The following BEGAIN variants were observed in gnomAD, a reference collection of about 807,000 sequenced individuals.
BEGAIN encodes the protein brain-enriched guanylate kinase-associated protein.
In BEGAIN, 19 loss-of-function variants were observed where a neutral mutation model predicts 35.8. That is an observed-to-expected ratio of 0.53 (90% CI 0.37 to 0.78). BEGAIN has a LOEUF of 0.78. Among genes scored for constraint, BEGAIN ranks in the 30% least tolerant of loss-of-function variants. The pLI is 0.00. For missense variants in BEGAIN, 795 were observed against 853.6 expected, an observed-to-expected ratio of 0.93 and a Z score of 0.85; for synonymous variants, 462 against 388.6, an observed-to-expected ratio of 1.19 and a Z score of -2.22.
chr14:100,546,374 C>CCCGGCCCTCGCCCCGG, intron 3 of BEGAIN, 127 bp downstream of exon 3: 1 of 55,686 alleles, frequency 1.8e-5, no homozygotes, highest in Non-Finnish European at 3.1e-5. Flanking sequence ...CCTCGCCCCG[C>CCCGGCCCTCGCCCCGG]CCCGGCCCTC....
rs9743676 is a variant in BEGAIN at position 100,569,391 on chromosome 14, G to A, written c.43-1452C>T. ...GCCGGGAAGACTTTGCCGCCGGCCA[G>A]CGCGACCCCCACACCGCTCTCTTCC... On this transcript the variant is annotated intron_variant, in intron 1 of 6. Transcript: ENST00000554140. 3.6e-3 allele frequency: 544 copies of A among 152,608 alleles called. 5 individuals are homozygous for A. The highest frequency in any genetic ancestry group is 8.8e-3 in the Admixed American group (135 of 15,318). 9.5% of individuals were successfully genotyped at this position (152,608 alleles called of 1,614,324 possible). A position where few individuals can be genotyped will look rare whatever the true frequency, so the allele number is the denominator to read the frequency against.
chr14:100,572,329 A>G (rs1201344363), intron 1 of BEGAIN, among the ~76,000 whole-genome samples: 1 of 152,130 alleles, frequency 6.6e-6, no homozygotes, highest in East Asian at 1.9e-4. Flanking sequence ...AATCCGGCTG[A>G]TTTCTGACAC....
chr14:100,586,319 C>T lies in BEGAIN; in HGVS notation c.42+930G>A, dbSNP rs1350983693. Among the ~76,000 whole-genome samples the T allele has an allele frequency of 3.3e-5, 5 of 152,124 alleles. No individual in the cohort carries two copies. Among genetic ancestry groups the T allele is most frequent in the Non-Finnish European group, 4.4e-5 (3 of 68,008 alleles). On this transcript the variant is annotated intron_variant, in intron 1 of 6. Coordinates refer to ENST00000554140, the MANE Select transcript of BEGAIN (RefSeq NM_001385089.1). The surrounding 1 kb of genome is among the most constrained non-coding windows in gnomAD (Gnocchi z 4.9). Reference sequence around the variant, plus strand: ...CTGTGGAGACCCCGCCCCACCCATACCCCCAGGGCCTGGACCCCCAGTCTG... The same window carrying T: ...CTGTGGAGACCCCGCCCCACCCATATCCCCAGGGCCTGGACCCCCAGTCTG...
chr14:100,557,792 C>T (rs1406454785), intron 2 of BEGAIN, among the ~76,000 whole-genome samples: 1 of 152,114 alleles, frequency 6.6e-6, no homozygotes, highest in Non-Finnish European at 1.5e-5. Context: ...TCATGCCTTC[C>T]CCTCCTGCCT....
At chr14:100,540,215 G>A (rs1260653875) in intron 6 of BEGAIN, 2 of 478,028 alleles carry the variant, frequency 4.2e-6, no homozygotes, top group Non-Finnish European at 7.5e-6. Context: ...GTGGAAGCAA[G>A]GACCTGGAGC....
At chr14:100,581,000 C>T (rs2035305112) in intron 1 of BEGAIN, among the ~76,000 whole-genome samples, 1 of 152,178 alleles carries the variant, frequency 6.6e-6, no homozygotes, top group Admixed American at 6.5e-5. Context: ...GACAGCCCTT[C>T]CCCAGCAGCA....
At chr14:100,555,928 C>T (rs1254613755) in intron 2 of BEGAIN, among the ~76,000 whole-genome samples, 3 of 152,162 alleles carry the variant, frequency 2.0e-5, no homozygotes, top group Non-Finnish European at 4.4e-5. Context: ...TCACCATGGC[C>T]GCTGGCTGTT....
At chr14:100,544,668 G>T (rs748722062) in intron 4 of BEGAIN, among the ~76,000 whole-genome samples, 1 of 152,148 alleles carries the variant, frequency 6.6e-6, no homozygotes, top group African/African-American at 2.4e-5. Context: ...GCCTGAATTC[G>T]GGCCTCCCTA....
chr14:100,558,452 C>A lies in BEGAIN; in HGVS notation c.71+9459G>T, dbSNP rs185657264. ...CCTGGCCTCCTGGCACCAGCGTGTC[C>A]CGGGGATCTGGCCTCCGGCATCTCC... On this transcript the variant is annotated intron_variant, in intron 2 of 6. Transcript: ENST00000554140. The surrounding 1 kb of genome is among the most constrained non-coding windows in gnomAD (Gnocchi z 4.6). Among the ~76,000 whole-genome samples the A allele has an allele frequency of 2.2e-4, 33 of 152,160 alleles. No homozygotes were observed. Among genetic ancestry groups the A allele is most frequent in the Non-Finnish European group, 4.0e-4 (27 of 68,024 alleles).
Position 100,567,025 on chromosome 14 carries a change from C to T in BEGAIN, c.71+886G>A, listed in dbSNP as rs979593156. ...CTTGGGGGAGGGATGCTCCTCTACC[C>T]GGCCTCCTCCCCAGGATGCCAATTC... is the stretch of plus-strand genomic sequence containing the variant. On this transcript the variant is annotated intron_variant, in intron 2 of 6. Coordinates refer to ENST00000554140, the MANE Select transcript of BEGAIN (RefSeq NM_001385089.1). This position sits in a 1 kb window ranked among gnomAD's most constrained non-coding sequence, Gnocchi z 5.1. Among the ~76,000 whole-genome samples, 2 of 152,182 alleles carry T rather than the reference C, an allele frequency of 1.3e-5. No homozygotes were observed. The highest frequency in any genetic ancestry group is 2.4e-5 in the African/African-American group (1 of 41,464).
intron 2 of BEGAIN, among the ~76,000 whole-genome samples, chr14:100,551,633 G>C (rs187875562): frequency 4.6e-5 from 7 of 152,294 alleles, no homozygotes; most frequent in African/African-American, 1.4e-4. Flanking sequence ...ATACTTTTCT[G>C]AATGTGTCAT....
At chr14:100,544,696 C>T (rs2032128032) in intron 4 of BEGAIN, among the ~76,000 whole-genome samples, 1 of 152,134 alleles carries the variant, frequency 6.6e-6, no homozygotes, top group Non-Finnish European at 1.5e-5. Flanking sequence ...GGGCCCAGGT[C>T]CTTGGACTGG....
At chr14:100,565,162 C>T (rs1320847429) in intron 2 of BEGAIN, among the ~76,000 whole-genome samples, 1 of 152,186 alleles carries the variant, frequency 6.6e-6, no homozygotes, top group Non-Finnish European at 1.5e-5. Flanking sequence ...GAGCTGGTAC[C>T]CAGAGGGGGC....
Position 100,539,291 on chromosome 14 carries a change from C to G in BEGAIN, c.517G>C (p.Val173Leu). The change falls in exon 7 of 7, where the codon GTG (valine) becomes CTG (leucine). Residue 173 changes from valine to leucine, a missense_variant. This residue lies in a region of BEGAIN where 664 missense variants were observed against 647.7 expected (regional missense o/e 1.03). Coordinates refer to ENST00000554140, the MANE Select transcript of BEGAIN (RefSeq NM_001385089.1). ...SELPSDFQERVSLHMEKHGCS... is the reference protein window; with the variant it reads ...SELPSDFQERLSLHMEKHGCS... ...CCGTGCTTCTCCATGTGCAGGCTCACGCGCTCCTGGAAATCCGAGGGCAGC... is the reference window on the plus strand; with the variant it reads ...CCGTGCTTCTCCATGTGCAGGCTCAGGCGCTCCTGGAAATCCGAGGGCAGC... 1 of 1,566,152 alleles carries G rather than the reference C, an allele frequency of 6.4e-7. No homozygotes were observed. The highest frequency in any genetic ancestry group is 8.6e-7 in the Non-Finnish European group (1 of 1,157,452).
chr14:100,545,036 C>G lies in BEGAIN; in HGVS notation c.264G>C (p.Arg88Ser). The G allele has an allele frequency of 6.2e-7, 1 of 1,613,324 alleles. No homozygotes were observed. The highest frequency in any genetic ancestry group is 8.5e-7 in the Non-Finnish European group (1 of 1,179,994). Reference protein sequence around the residue: ...RIQSNYMALQRINQELEDKLY... With the variant: ...RIQSNYMALQSINQELEDKLY... ...GCTTGTCCTCCAGCTCCTGGTTGAT[C>G]CTCTGCAGTGCCATGTAGTTGCTCT... Residue 88 changes from arginine (R) to serine (S), a missense_variant, in exon 4 of 7, where the codon AGG becomes AGC. Physicochemically the swap from Arg to Ser is moderately radical, Grantham distance 110. Around this residue, in one of 3 missense-constraint regions of BEGAIN, gnomAD observed 73 missense variants for 143.2 expected, o/e 0.51. Transcript: ENST00000554140.
At position 100,538,273 on chromosome 14, in the gene BEGAIN, A is replaced by G; in HGVS notation, c.1535T>C (p.Leu512Pro). ...GAGGCTCAGGTCGCCGCCCGCCCGC[A>G]GGAAGCAGGGCTCTGCCAGGTGGCC... Reference protein sequence around the residue: ...SQGHLAEPCFLRAGGDLSLSP... With the variant: ...SQGHLAEPCFPRAGGDLSLSP... The change falls in exon 7 of 7, where the codon CTG becomes CCG. Residue 512 changes from leucine (L) to proline (P), a missense_variant. This residue lies in a region of BEGAIN where 664 missense variants were observed against 647.7 expected (regional missense o/e 1.03). Coordinates refer to ENST00000554140, the MANE Select transcript of BEGAIN (RefSeq NM_001385089.1). 1 of 1,566,036 alleles carries G rather than the reference A, an allele frequency of 6.4e-7. No homozygotes were observed. Among genetic ancestry groups the G allele is most frequent in the South Asian group, 1.2e-5 (1 of 85,858 alleles).
chr14:100,587,229 C>A lies in BEGAIN; in HGVS notation c.42+20G>T. ...CGCGCCCGCGCCCGCGCCCTGCCCT[C>A]CCGGCTCGCAGGTACTCACCGCCCG... On this transcript the variant is annotated intron_variant, in intron 1 of 6. Coordinates refer to ENST00000554140, the MANE Select transcript of BEGAIN (RefSeq NM_001385089.1). The A allele has an allele frequency of 5.2e-6, 1 of 191,730 alleles. No individual in the cohort carries two copies. Among genetic ancestry groups the A allele is most frequent in the Non-Finnish European group, 1.0e-5 (1 of 95,274 alleles). The allele number at this position is 191,730 out of a possible 1,614,324, so 11.9% of individuals were successfully genotyped here.
Position 100,545,075 on chromosome 14 carries a change from G to A in BEGAIN, c.234-9C>T. On this transcript the variant is annotated splice_polypyrimidine_tract_variant and intron_variant, in intron 3 of 6. Transcript: ENST00000554140. The stretch of plus-strand genomic sequence containing the variant: ...TGTAGTTGCTCTGAATCCTGGTGCA[G>A]GAGGCAAGGGGGTCACTGCCATGCA... 1 of 1,613,214 alleles carries A rather than the reference G, an allele frequency of 6.2e-7. No homozygotes were observed.
At position 100,545,004 on chromosome 14, in the gene BEGAIN, C is replaced by A; in HGVS notation, c.296G>T (p.Arg99Leu). The change falls in exon 4 of 7, where the codon CGC becomes CTC. Residue 99 changes from arginine (R) to leucine (L), a missense_variant. This residue lies in a region of BEGAIN where 73 missense variants were observed against 143.2 expected (regional missense o/e 0.51). Coordinates refer to ENST00000554140, the MANE Select transcript of BEGAIN (RefSeq NM_001385089.1). ...GGCGCTGCGTGGCGGCCTCACCATG[C>A]GGTACAGCTTGTCCTCCAGCTCCTG... ...INQELEDKLYRMGQHYEEEKR... is the reference protein window; with the variant it reads ...INQELEDKLYLMGQHYEEEKR... 1 of 1,612,096 alleles carries A rather than the reference C, an allele frequency of 6.2e-7. No individual in the cohort carries two copies. The highest frequency in any genetic ancestry group is 8.5e-7 in the Non-Finnish European group (1 of 1,179,902).
Sources: gnomAD v4.1 joint callset for allele counts (sites outside exome capture counted in the v4.1 genomes callset) on GRCh38, gnomAD v4.1.1 for gene constraint, gnomAD v4.1.1 regional missense constraint, Gnocchi (gnomAD v3.1) non-coding constraint, MANE v1.5 for transcripts, NCBI Gene and HGNC (gene_info 2026-07-23, HGNC 2026-07-21) for gene names.